The following FARS2 variants were observed in gnomAD, a reference collection of about 807,000 sequenced individuals.
The protein encoded by FARS2 is phenylalanyl-tRNA synthetase 2, mitochondrial.
In FARS2, 40 loss-of-function variants were observed where a neutral mutation model predicts 46.4. The observed-to-expected ratio is 0.86, with a 90% CI of 0.67 to 1.12. The LOEUF (loss-of-function observed/expected upper bound fraction) is 1.12, where lower values mean the gene tolerates loss of function less well. Ranked by LOEUF, FARS2 falls within the 50% of genes most tolerant of loss-of-function variation. FARS2 has a pLI of 0.00. For synonymous variants in FARS2, 234 were observed against 214.9 expected, an observed-to-expected ratio of 1.09 and a Z score of -0.78; for missense variants, 513 against 567.9, an observed-to-expected ratio of 0.90 and a Z score of 0.98.
intron 6 of FARS2, among the ~76,000 whole-genome samples, chr6:5,712,113 A>G (rs1759209432): frequency 6.6e-6 from 1 of 151,480 alleles, no homozygotes; most frequent in African/African-American, 2.5e-5. Flanking sequence ...AGATTATTTT[A>G]AATATTAAAA....
chr6:5,260,701 A>C (rs774797057), upstream of FARS2: 22 of 1,553,908 alleles, frequency 1.4e-5, no homozygotes, highest in Admixed American at 4.2e-4. Context: ...CCCGGTACAG[A>C]GATAACACTT....
At chr6:5,530,683 A>G (rs1490585397) in intron 4 of FARS2, among the ~76,000 whole-genome samples, 1 of 147,578 alleles carries the variant, frequency 6.8e-6, no homozygotes, top group Non-Finnish European at 1.5e-5. Flanking sequence ...TTATAAATAT[A>G]AAATATATAT....
At chr6:5,731,157 G>A (rs1448871405) in intron 6 of FARS2, among the ~76,000 whole-genome samples, 1 of 152,214 alleles carries the variant, frequency 6.6e-6, no homozygotes, top group Non-Finnish European at 1.5e-5. Flanking sequence ...GAAACCGGGA[G>A]TTGGGCTTTT....
intron 6 of FARS2, among the ~76,000 whole-genome samples, chr6:5,713,565 CT>C: frequency 6.6e-6 from 1 of 152,242 alleles, no homozygotes; most frequent in Non-Finnish European, 1.5e-5. Context: ...ATGACAACCT[CT>C]TACTCTTGTA....
At chr6:5,770,912 A>T (rs918984972) in intron 6 of FARS2, among the ~76,000 whole-genome samples, 1 of 151,956 alleles carries the variant, frequency 6.6e-6, no homozygotes, top group African/African-American at 2.4e-5. Flanking sequence ...ACGCGGGTTG[A>T]CCCCTGACCC....
chr6:5,283,156 T>A (rs1766859595), intron 1 of FARS2, among the ~76,000 whole-genome samples: 1 of 152,044 alleles, frequency 6.6e-6, no homozygotes, highest in Non-Finnish European at 1.5e-5. Flanking sequence ...GCAGATCACC[T>A]AAGGTCAGAA....
chr6:5,616,438 G>A (rs1775483978), intron 6 of FARS2, among the ~76,000 whole-genome samples: 1 of 152,110 alleles, frequency 6.6e-6, no homozygotes, highest in African/African-American at 2.4e-5. Context: ...TTCTTTTTTA[G>A]TACAAGTTGA....
intron 6 of FARS2, among the ~76,000 whole-genome samples, chr6:5,728,934 C>T (rs1025499693): frequency 7.9e-5 from 12 of 152,128 alleles, no homozygotes; most frequent in Admixed American, 2.6e-4. Flanking sequence ...AGGTGGTAGA[C>T]GGGGAGAGAT....
At chr6:5,447,399 G>C (rs942350898) in intron 4 of FARS2, among the ~76,000 whole-genome samples, 7 of 152,144 alleles carry the variant, frequency 4.6e-5, no homozygotes, top group Non-Finnish European at 8.8e-5. Flanking sequence ...GAACCTTTGA[G>C]CAATACTCTG....
intron 1 of FARS2, among the ~76,000 whole-genome samples, chr6:5,279,570 G>T (rs1766583169): frequency 6.8e-6 from 1 of 147,898 alleles, no homozygotes; most frequent in Admixed American, 6.7e-5. Context: ...GTGTGTGTGT[G>T]TGTGTATATA....
In FARS2 at chr6:5,413,431, C is replaced by T. The variant is rs185224629; in HGVS notation, c.772+8730C>T. ...CTACACCCATTGCAAACTATTTTTA[C>T]TGGTACTAATAACTCTCAGGTGGTT... On this transcript the variant is annotated intron_variant, in intron 3 of 6. Transcript: ENST00000274680. Among the ~76,000 whole-genome samples the T allele has an allele frequency of 1.5e-3, 222 of 152,244 alleles. 3 individuals carry two copies. The highest frequency in any genetic ancestry group is 1.6e-3 in the Non-Finnish European group (111 of 68,012).
intron 1 of FARS2, among the ~76,000 whole-genome samples, chr6:5,346,263 G>A (rs1358519399): frequency 2.0e-5 from 3 of 152,234 alleles, no homozygotes; most frequent in East Asian, 1.9e-4. Context: ...ACATGAGTAC[G>A]TTTTTATTCA....
chr6:5,303,710 A>C (rs1054226816), intron 1 of FARS2, among the ~76,000 whole-genome samples: 1 of 151,948 alleles, frequency 6.6e-6, no homozygotes, highest in African/African-American at 2.4e-5. Flanking sequence ...ATTGCTCCCA[A>C]TGTGAAAATC....
At chr6:5,761,847 G>A (rs1272052452) in intron 6 of FARS2, among the ~76,000 whole-genome samples, 1 of 150,490 alleles carries the variant, frequency 6.6e-6, no homozygotes, top group Admixed American at 6.6e-5. Flanking sequence ...TGTATACAAT[G>A]CAAGGTATCT....
intron 6 of FARS2, among the ~76,000 whole-genome samples, chr6:5,759,071 T>C (rs1039184550): frequency 3.3e-5 from 5 of 152,198 alleles, no homozygotes; most frequent in African/African-American, 9.7e-5. Flanking sequence ...CTCCATGTTA[T>C]AGATGAGAAA....
intron 4 of FARS2, chr6:5,466,915 A>T (rs559870367): frequency 1.0e-6 from 1 of 985,392 alleles, no homozygotes; most frequent in Admixed American, 6.1e-5. Flanking sequence ...CCTCGGCCTT[A>T]TGCTGCAGTG....
intron 6 of FARS2, among the ~76,000 whole-genome samples, chr6:5,676,856 G>A (rs1778795915): frequency 6.6e-6 from 1 of 152,136 alleles, no homozygotes. Context: ...GCTGCTTTCT[G>A]CAATCAATAT....
chr6:5,374,626 G>C (rs895707674), intron 2 of FARS2, among the ~76,000 whole-genome samples: 1 of 151,886 alleles, frequency 6.6e-6, no homozygotes, highest in African/African-American at 2.4e-5. Context: ...ATCCCAACTA[G>C]ATAAGAAAGA....
chr6:5,601,643 G>C lies in FARS2; in HGVS notation c.1066-11526G>C, dbSNP rs182200351. 5.1e-3 allele frequency among the ~76,000 whole-genome samples: 779 copies of C among 151,946 alleles called. 7 individuals are homozygous for C. The highest frequency in any genetic ancestry group is 0.017 in the African/African-American group (724 of 41,392). ...TTGACCTTGGCTCTGCCACTTACTG[G>C]CTGTTGGACCTTAGACAGCTTAGTT... On this transcript the variant is annotated intron_variant, in intron 5 of 6. Transcript: ENST00000274680.
Sources: gnomAD v4.1 joint callset for allele counts (sites outside exome capture counted in the v4.1 genomes callset) on GRCh38, gnomAD v4.1.1 for gene constraint, MANE v1.5 for transcripts, NCBI Gene and HGNC (gene_info 2026-07-23, HGNC 2026-07-21) for gene names.